The following GLIS3 variants were observed in gnomAD, a reference collection of about 807,000 sequenced individuals.
GLIS3 encodes GLIS family zinc finger 3.
A neutral mutation model predicts 78.6 loss-of-function variants in GLIS3; 53 were observed. That is an observed-to-expected ratio of 0.67 (90% CI 0.54 to 0.85). The LOEUF is 0.85. GLIS3 is among the 40% of genes least tolerant of loss of function. The pLI is 0.00. For synonymous variants in GLIS3, 684 were observed against 509.9 expected, an observed-to-expected ratio of 1.34 and a Z score of -4.60; for missense variants, 1,703 against 1,231.1, an observed-to-expected ratio of 1.38 and a Z score of -5.74.
chr9:4,299,964 C>A lies in GLIS3; in HGVS notation c.-642G>T, dbSNP rs2130479380. On this transcript the variant is annotated 5_prime_UTR_variant, in exon 1 of 11. Coordinates refer to ENST00000381971, the MANE Select transcript of GLIS3 (RefSeq NM_001042413.2). ...TCGCCGCCGGTGCCCGTGCGCGCCG[C>A]GCTCTGGGCTGCCCGGGCGGCGCAG... The A allele has an allele frequency of 6.6e-6, 1 of 152,004 alleles. No homozygotes were observed. Among genetic ancestry groups the A allele is most frequent in the East Asian group, 2.0e-4 (1 of 5,100 alleles). The allele number at this position is 152,004 out of a possible 1,614,324, so 9.4% of individuals were successfully genotyped here.
intron 4 of GLIS3, among the ~76,000 whole-genome samples, chr9:4,078,579 G>A (rs1462561592): frequency 6.6e-6 from 1 of 152,158 alleles, no homozygotes; most frequent in Non-Finnish European, 1.5e-5. Context: ...CTACAGATCG[G>A]GCCGCAAAAG....
At chr9:4,245,190 T>A (rs927072285) in intron 2 of GLIS3, among the ~76,000 whole-genome samples, 2 of 152,240 alleles carry the variant, frequency 1.3e-5, no homozygotes, top group Admixed American at 1.3e-4. Context: ...GTCCAGATCA[T>A]GTTGGTTTAG....
intron 2 of GLIS3, among the ~76,000 whole-genome samples, chr9:4,274,755 C>T (rs1379844575): frequency 6.6e-6 from 1 of 152,202 alleles, no homozygotes; most frequent in Non-Finnish European, 1.5e-5. Flanking sequence ...ACTGCTCACA[C>T]ATCCATGAAG....
the GLIS3 span, among the ~76,000 whole-genome samples, chr9:4,463,263 T>C: frequency 6.6e-6 from 1 of 152,232 alleles, no homozygotes; most frequent in Non-Finnish European, 1.5e-5. Flanking sequence ...ACTGTCATTT[T>C]CTATACTCAC....
At chr9:3,877,538 T>G (rs185311292) in intron 8 of GLIS3, among the ~76,000 whole-genome samples, 99 of 152,364 alleles carry the variant, frequency 6.5e-4, no homozygotes, top group Non-Finnish European at 1.2e-3. Context: ...TATTCTGTCT[T>G]CTTCCCCTTC....
intron 4 of GLIS3, among the ~76,000 whole-genome samples, chr9:4,068,941 T>C (rs915806824): frequency 6.6e-6 from 1 of 151,482 alleles, no homozygotes; most frequent in African/African-American, 2.4e-5. Context: ...ATCAGAAAAA[T>C]AAGGGATTTA....
chr9:4,370,011 G>C, the GLIS3 span, among the ~76,000 whole-genome samples: 2 of 151,914 alleles, frequency 1.3e-5, no homozygotes, highest in African/African-American at 4.8e-5. Context: ...GGCCAAAATG[G>C]TGAAACTCCG....
chr9:4,459,991 G>C, the GLIS3 span, among the ~76,000 whole-genome samples: 1 of 152,178 alleles, frequency 6.6e-6, no homozygotes, highest in Non-Finnish European at 1.5e-5. Flanking sequence ...TAGAATAATA[G>C]AGGCACACTC....
chr9:4,105,776 A>G (rs1221348194), intron 4 of GLIS3, among the ~76,000 whole-genome samples: 2 of 152,246 alleles, frequency 1.3e-5, no homozygotes, highest in East Asian at 3.9e-4. Context: ...TTCTTGACTG[A>G]TTCCACCATA....
intron 4 of GLIS3, among the ~76,000 whole-genome samples, chr9:3,941,347 TTTTTA>T (rs1392118236): frequency 2.6e-5 from 4 of 151,982 alleles, no homozygotes; most frequent in South Asian, 2.1e-4. Flanking sequence ...AATTCCCAAC[TTTTTA>T]TTTTATTTAT....
chr9:4,077,734 C>G (rs1002330266), intron 4 of GLIS3, among the ~76,000 whole-genome samples: 1 of 152,156 alleles, frequency 6.6e-6, no homozygotes, highest in Non-Finnish European at 1.5e-5. Context: ...CGGGCTGGTC[C>G]TGTTCTCTTG....
rs1465229534 is a variant in GLIS3 at position 4,151,460 on chromosome 9, A to G, written c.389-25519T>C. Among the ~76,000 whole-genome samples the G allele has an allele frequency of 2.6e-5, 4 of 152,222 alleles. No homozygotes were observed. The East Asian group carries it at 7.7e-4, about 29-fold the overall frequency. On this transcript the variant is annotated intron_variant, in intron 2 of 10. Coordinates refer to ENST00000381971, the MANE Select transcript of GLIS3 (RefSeq NM_001042413.2). ...GAACCAACATTCAGACTGCTCAGGG[A>G]GAGCAAGCACCTTGCTTAGAAAGGG... is the stretch of plus-strand genomic sequence containing the variant.
intron 2 of GLIS3, among the ~76,000 whole-genome samples, chr9:4,260,648 A>C (rs781414545): frequency 2.6e-5 from 4 of 151,944 alleles, no homozygotes; most frequent in Non-Finnish European, 5.9e-5. Context: ...CAGGAGGCTG[A>C]GGCACAAGAA....
At chr9:4,085,923 T>C (rs903522280) in intron 4 of GLIS3, among the ~76,000 whole-genome samples, 3 of 152,164 alleles carry the variant, frequency 2.0e-5, no homozygotes, top group South Asian at 2.1e-4. Context: ...AAATTAAACC[T>C]CTTTTCTCAT....
At chr9:3,988,203 TAAAA>T (rs936926684) in intron 4 of GLIS3, among the ~76,000 whole-genome samples, 1 of 150,762 alleles carries the variant, frequency 6.6e-6, no homozygotes. Context: ...ATGAAAAAAA[TAAAA>T]AAATAAAAAA....
At chr9:4,185,343 T>A (rs1474828300) in intron 2 of GLIS3, among the ~76,000 whole-genome samples, 1 of 152,242 alleles carries the variant, frequency 6.6e-6, no homozygotes. Context: ...GTATTTTGTT[T>A]ATCCATTCAC....
the GLIS3 span, among the ~76,000 whole-genome samples, chr9:4,449,574 C>A: frequency 2.6e-5 from 4 of 152,140 alleles, no homozygotes; most frequent in African/African-American, 9.7e-5. Context: ...CAGTAGGGGC[C>A]AATTGATACC....
intron 2 of GLIS3, among the ~76,000 whole-genome samples, chr9:4,163,782 G>A (rs1027537338): frequency 3.3e-5 from 5 of 152,236 alleles, no homozygotes; most frequent in Non-Finnish European, 5.9e-5. Flanking sequence ...ATTGTGCTTA[G>A]TGTACAGTAA....
At chr9:4,348,985 A>C (rs773341830), upstream of GLIS3, among the ~76,000 whole-genome samples, 3 of 152,224 alleles carry the variant, frequency 2.0e-5, no homozygotes, top group Non-Finnish European at 4.4e-5. Flanking sequence ...AACATCCAGT[A>C]AACATTATTT....
Sources: allele counts gnomAD v4.1 joint callset (sites outside exome capture counted in the v4.1 genomes callset), GRCh38; gene constraint gnomAD v4.1.1; transcripts MANE v1.5; gene names NCBI Gene and HGNC (gene_info 2026-07-23, HGNC 2026-07-21).